The following VWCE variants were observed in gnomAD, a reference collection of about 807,000 sequenced individuals.
VWCE encodes the protein von Willebrand factor C and EGF domains, also known as von Willebrand factor C and EGF domain-containing protein.
A neutral mutation model predicts 102.9 loss-of-function variants in VWCE; 68 were observed. The observed-to-expected ratio is 0.66, with a 90% confidence interval of 0.54 to 0.81. VWCE has a LOEUF of 0.81. Ranked by LOEUF, VWCE falls within the 30% of genes least tolerant of loss-of-function variation. The probability of loss-of-function intolerance (pLI) is 0.00; values close to 1 mark genes in which losing one functional copy is unlikely to be tolerated. For synonymous variants in VWCE, 497 were observed against 515.4 expected (o/e 0.96, Z 0.48); for missense variants, 1,137 against 1,263.6 (o/e 0.90, Z 1.52).
At chr11:61,274,444 G>T in intron 12 of VWCE, 55 bp downstream of exon 12, 1 of 1,541,932 alleles carries the variant, frequency 6.5e-7, no homozygotes, top group Non-Finnish European at 8.9e-7. Flanking sequence ...AAAGTGTTGT[G>T]CCTCGCTCCC....
At chr11:61,290,481 C>T (rs989295739) in intron 4 of VWCE, among the ~76,000 whole-genome samples, 1 of 146,238 alleles carries the variant, frequency 6.8e-6, no homozygotes, top group African/African-American at 2.5e-5. Context: ...TACTTCACTC[C>T]AGCCTGGGCA....
intron 10 of VWCE, 100 bp downstream of exon 10, chr11:61,278,294 C>T: frequency 7.6e-7 from 1 of 1,309,886 alleles, no homozygotes; most frequent in Non-Finnish European, 1.1e-6. Context: ...CCCTTCCACT[C>T]AACAAGCTCA....
intron 13 of VWCE, 93 bp from the exon 14 acceptor site, chr11:61,271,853 A>G (rs1260910873): frequency 9.2e-7 from 1 of 1,086,594 alleles, no homozygotes; most frequent in Non-Finnish European, 1.4e-6. Context: ...ACACACACAG[A>G]CACCGATATC....
At chr11:61,271,836 C>T (rs540978660) in intron 13 of VWCE, 76 bp from the exon 14 acceptor site, 161 of 1,279,958 alleles carry the variant, frequency 1.3e-4, no homozygotes, top group Middle Eastern at 9.2e-4. Context: ...ATGCCTCATG[C>T]GCACAAACAC....
Position 61,258,736 on chromosome 11 carries a change from G to A in VWCE, c.2807C>T (p.Thr936Ile). The change falls in exon 20 of 20, where the codon ACC (threonine) becomes ATC (isoleucine). Residue 936 changes from threonine (T) to isoleucine (I), a missense_variant. Physicochemically the swap from Thr to Ile is moderately conservative, Grantham distance 89. Transcript: ENST00000335613. ...SRLSTALAAT[T>I]HPGPQQPPVG... ...TGGGGGCTGCTGGGGGCCAGGGTGG[G>A]TGGTGGCTGCAAGGGCTGTGGAGAG... is the stretch of plus-strand genomic sequence containing the variant. The A allele has an allele frequency of 7.2e-7, 1 of 1,396,638 alleles. No homozygotes were observed. Among genetic ancestry groups the A allele is most frequent in the Non-Finnish European group, 9.3e-7 (1 of 1,071,800 alleles). The allele number at this position is 1,396,638 out of a possible 1,614,324, so 86.5% of individuals were successfully genotyped here. A position where few individuals can be genotyped will look rare whatever the true frequency, so the allele number is the denominator to read the frequency against.
At chr11:61,274,682 A>G in intron 11 of VWCE, 98 bp from the exon 12 acceptor site, 1 of 986,792 alleles carries the variant, frequency 1.0e-6, no homozygotes, top group Admixed American at 2.0e-5. Context: ...GGCACTTAAC[A>G]CACACCCACA....
chr11:61,291,607 T>G (rs1469067869), intron 1 of VWCE, 31 bp from the exon 2 acceptor site: 7 of 1,414,976 alleles, frequency 4.9e-6, no homozygotes, highest in Non-Finnish European at 6.5e-6. Context: ...CTTTCCTCAT[T>G]CTATACTGGG....
rs754441052 is a variant in VWCE at position 61,281,919 on chromosome 11, G to C, written c.659-5C>G. On this transcript the variant is annotated splice_polypyrimidine_tract_variant and splice_region_variant and intron_variant, in intron 6 of 19. Coordinates refer to ENST00000335613, the MANE Select transcript of VWCE (RefSeq NM_152718.2). The stretch of plus-strand genomic sequence containing the variant: ...GCCTCCGACACTCGTTTACATCTGC[G>C]GGAGAGCCTCGCTGCGGACAGCTGC... 1 of 1,611,270 alleles carries C rather than the reference G, an allele frequency of 6.2e-7. No individual in the cohort carries two copies. Among genetic ancestry groups the C allele is most frequent in the Non-Finnish European group, 8.5e-7 (1 of 1,178,136 alleles).
Position 61,264,361 on chromosome 11 carries a change from G to A in VWCE, c.2230+126C>T, listed in dbSNP as rs567756978. 21 of 921,916 alleles carry A rather than the reference G, an allele frequency of 2.3e-5. 1 individual carries two copies. Among genetic ancestry groups the A allele is most frequent in the South Asian group, 6.3e-5 (4 of 63,326 alleles). 57.1% of individuals were successfully genotyped at this position (921,916 alleles called of 1,614,324 possible). ...ACAGCACAGCTGTACAACCTTGCGC[G>A]AGCCGTGTTCCCTCTCTGAACATGG... On this transcript the variant is annotated intron_variant, in intron 19 of 19. Coordinates refer to ENST00000335613, the MANE Select transcript of VWCE (RefSeq NM_152718.2).
Position 61,258,791 on chromosome 11 carries a change from G to T in VWCE, c.2752C>A (p.Pro918Thr). ...GAGGTGGTGGGAGAAAGCACGCGAG[G>T]CCCGAGGAGGGTGATGGGGGTCTTC... ...PSKTPITLLGPRVLSPTTSRL... is the reference protein window; with the variant it reads ...PSKTPITLLGTRVLSPTTSRL... The change falls in exon 20 of 20, where the codon CCT becomes ACT. Residue 918 changes from proline to threonine, a missense_variant. Around this residue, in one of 5 missense-constraint regions of VWCE, gnomAD observed 316 missense variants for 319.3 expected, o/e 0.99. Transcript: ENST00000335613. The T allele has an allele frequency of 6.7e-7, 1 of 1,500,464 alleles. No individual in the cohort carries two copies. Among genetic ancestry groups the T allele is most frequent in the African/African-American group, 1.4e-5 (1 of 71,394 alleles). 92.9% of individuals were successfully genotyped at this position (1,500,464 alleles called of 1,614,324 possible). A position where few individuals can be genotyped will look rare whatever the true frequency, so the allele number is the denominator to read the frequency against.
At chr11:61,273,173 G>C (rs371243852) in intron 13 of VWCE, 26 bp downstream of exon 13, 1 of 1,607,956 alleles carries the variant, frequency 6.2e-7, no homozygotes, top group Admixed American at 1.7e-5. Context: ...CATGCCCTGT[G>C]TCGGGGCAGC....
At chr11:61,262,532 G>A (rs1854390374) in intron 19 of VWCE, among the ~76,000 whole-genome samples, 2 of 152,178 alleles carry the variant, frequency 1.3e-5, no homozygotes, top group African/African-American at 4.8e-5. Flanking sequence ...TCAGTCTCTA[G>A]ACAGTCAGGG....
intron 15 of VWCE, 152 bp from the exon 16 acceptor site, chr11:61,267,696 C>T (rs570923091): frequency 7.5e-4 from 497 of 664,622 alleles, no homozygotes; most frequent in Non-Finnish European, 1.2e-3. Flanking sequence ...AGGGACAAAA[C>T]GCCTGTTTGG....
intron 10 of VWCE, 129 bp from the exon 11 acceptor site, chr11:61,276,809 C>T (rs899434961): frequency 2.0e-6 from 1 of 489,372 alleles, no homozygotes; most frequent in Non-Finnish European, 3.2e-6. Context: ...AAAGGCTGCA[C>T]CCCAGCCTGG....
intron 6 of VWCE, 74 bp from the exon 7 acceptor site, chr11:61,281,988 C>T (rs1427627981): frequency 6.4e-7 from 1 of 1,554,938 alleles, no homozygotes; most frequent in East Asian, 2.3e-5. Context: ...TCCCTTAGCT[C>T]AAAACACTTG....
intron 11 of VWCE, 74 bp downstream of exon 11, chr11:61,276,519 T>C (rs1228122068): frequency 1.7e-5 from 20 of 1,163,564 alleles, no homozygotes; most frequent in Admixed American, 3.1e-5. Flanking sequence ...AACACCAGCC[T>C]GGGCAACATA....
intron 5 of VWCE, among the ~76,000 whole-genome samples, chr11:61,285,618 G>A (rs912485561): frequency 5.3e-5 from 8 of 152,078 alleles, no homozygotes; most frequent in South Asian, 2.1e-4. Context: ...ATGGCTCCTC[G>A]GGACTCATGG....
At chr11:61,261,589 G>A (rs1854362085) in intron 19 of VWCE, among the ~76,000 whole-genome samples, 2 of 150,076 alleles carry the variant, frequency 1.3e-5, no homozygotes, top group Admixed American at 6.6e-5. Context: ...AAAAAAAAAA[G>A]TAAAAAAATT....
intron 19 of VWCE, among the ~76,000 whole-genome samples, chr11:61,261,157 T>C (rs926134297): frequency 1.3e-5 from 2 of 151,400 alleles, no homozygotes; most frequent in African/African-American, 4.9e-5. Flanking sequence ...GAGGTGGAGG[T>C]TGCAGTGAGC....
Sources: gnomAD v4.1 joint callset for allele counts (sites outside exome capture counted in the v4.1 genomes callset) on GRCh38, gnomAD v4.1.1 for gene constraint, gnomAD v4.1.1 regional missense constraint, MANE v1.5 for transcripts, NCBI Gene and HGNC (gene_info 2026-07-23, HGNC 2026-07-21) for gene names.